The following EPHA6 variants were observed in gnomAD, a reference collection of about 807,000 sequenced individuals.
The protein encoded by EPHA6 is ephrin type-A receptor 6.
Under a neutral mutation model 112.0 loss-of-function variants are expected in EPHA6, and 50 were observed. The observed-to-expected ratio is 0.45, with a 90% CI of 0.36 to 0.56. The LOEUF (loss-of-function observed/expected upper bound fraction) is 0.56, where lower values mean the gene tolerates loss of function less well. EPHA6 is among the 20% of genes least tolerant of loss of function. EPHA6 has a pLI of 0.00. For missense variants in EPHA6, 1,280 were observed against 1,417.4 expected (o/e 0.90, Z 1.56); for synonymous variants, 529 against 490.7 (o/e 1.08, Z -1.03).
chr3:97,637,483 G>T (rs2093958168), intron 13 of EPHA6, among the ~76,000 whole-genome samples: 1 of 152,014 alleles, frequency 6.6e-6, no homozygotes, highest in Admixed American at 6.6e-5. Context: ...CTTCTACCCA[G>T]CTGTACAGCT....
intron 5 of EPHA6, among the ~76,000 whole-genome samples, chr3:97,309,982 G>A (rs978790195): frequency 9.2e-5 from 14 of 151,584 alleles, no homozygotes; most frequent in Non-Finnish European, 2.1e-4. Flanking sequence ...CAATAATATT[G>A]TGAAGTTTCA....
At chr3:97,222,464 A>G (rs2078236271) in intron 3 of EPHA6, among the ~76,000 whole-genome samples, 1 of 152,184 alleles carries the variant, frequency 6.6e-6, no homozygotes, top group Admixed American at 6.5e-5. Context: ...TCCAATTTAT[A>G]TATGTATTTT....
chr3:97,737,845 T>A (rs2035337742), intron 16 of EPHA6, among the ~76,000 whole-genome samples: 1 of 151,802 alleles, frequency 6.6e-6, no homozygotes, highest in South Asian at 2.1e-4. Context: ...AACCCTCTAA[T>A]TTAAGACATG....
chr3:97,599,306 A>C (rs920705750), intron 12 of EPHA6, among the ~76,000 whole-genome samples: 2 of 150,490 alleles, frequency 1.3e-5, no homozygotes, highest in African/African-American at 2.5e-5. Flanking sequence ...TTTTGTTGCC[A>C]TTGCTTTTGG....
chr3:97,563,024 C>T (rs1577789043), intron 11 of EPHA6, among the ~76,000 whole-genome samples: 1 of 152,066 alleles, frequency 6.6e-6, no homozygotes, highest in Non-Finnish European at 1.5e-5. Flanking sequence ...ATATTGCAAG[C>T]ATAACTTTTA....
chr3:97,313,082 C>G (rs529323558), intron 5 of EPHA6, among the ~76,000 whole-genome samples: 1 of 151,622 alleles, frequency 6.6e-6, no homozygotes, highest in Non-Finnish European at 1.5e-5. Context: ...CCTGTCTCCC[C>G]TCAGCTACTG....
chr3:97,059,690 G>C (rs2045958483), intron 3 of EPHA6, among the ~76,000 whole-genome samples: 1 of 148,500 alleles, frequency 6.7e-6, no homozygotes, highest in African/African-American at 2.5e-5. Context: ...TAGCACCAGA[G>C]TCATCCTAGA....
intron 14 of EPHA6, among the ~76,000 whole-genome samples, chr3:97,686,104 C>T (rs1007175985): frequency 6.6e-6 from 1 of 152,110 alleles, no homozygotes; most frequent in Non-Finnish European, 1.5e-5. Context: ...ATTCATCAAA[C>T]ATTTCTAAAG....
intron 2 of EPHA6, among the ~76,000 whole-genome samples, chr3:96,882,181 C>T (rs896501776): frequency 1.3e-5 from 2 of 152,132 alleles, no homozygotes; most frequent in African/African-American, 4.8e-5. Context: ...CCACATTTCC[C>T]TTCCGCACTT....
At chr3:97,449,919 T>C (rs1408557079) in intron 7 of EPHA6, among the ~76,000 whole-genome samples, 2 of 152,132 alleles carry the variant, frequency 1.3e-5, no homozygotes, top group African/African-American at 4.8e-5. Context: ...TGTTTTTACA[T>C]TGATGAACAG....
chr3:97,750,357 G>A lies in EPHA6; in HGVS notation c.*1656G>A, dbSNP rs778637696. Among the ~76,000 whole-genome samples the A allele has an allele frequency of 1.6e-4, 24 of 150,154 alleles. No homozygotes were observed. In the South Asian group the frequency reaches 3.6e-3, roughly 22 times the overall value. ...TTTTTTGTTTTTGTTTTTGTTGTTC[G>A]TTTGTTTGTTTTTGAGACGGAGGCG... On this transcript the variant is annotated 3_prime_UTR_variant, in exon 18 of 18. Coordinates refer to ENST00000389672, the MANE Select transcript of EPHA6 (RefSeq NM_001080448.3).
intron 5 of EPHA6, among the ~76,000 whole-genome samples, chr3:97,301,188 G>T (rs1186885835): frequency 6.6e-6 from 1 of 152,126 alleles, no homozygotes; most frequent in Admixed American, 6.6e-5. Context: ...GAGAGAATGA[G>T]AAATGCTAGG....
At chr3:97,425,310 A>C (rs1309836297) in intron 6 of EPHA6, among the ~76,000 whole-genome samples, 2 of 152,232 alleles carry the variant, frequency 1.3e-5, no homozygotes, top group African/African-American at 4.8e-5. Context: ...TCCCTGCAGC[A>C]CAGCTCTGCC....
rs553318882 is a variant in EPHA6, at chr3:97,090,934, T to C, written c.1114+102941T>C. Among the ~76,000 whole-genome samples, 7 of 152,220 alleles carry C rather than the reference T, an allele frequency of 4.6e-5. No individual in the cohort carries two copies. The South Asian group carries it at 1.5e-3, about 32-fold the overall frequency. Reference sequence around the variant, plus strand: ...ATTTACGAATATATGTTGCAGTGAATAAAAGAGTTAGATGTTTTAACACCT... The same window carrying C: ...ATTTACGAATATATGTTGCAGTGAACAAAAGAGTTAGATGTTTTAACACCT... On this transcript the variant is annotated intron_variant, in intron 3 of 17. Coordinates refer to ENST00000389672, the MANE Select transcript of EPHA6 (RefSeq NM_001080448.3).
At chr3:97,476,657 G>C (rs2091377632) in intron 8 of EPHA6, among the ~76,000 whole-genome samples, 1 of 152,052 alleles carries the variant, frequency 6.6e-6, no homozygotes, top group African/African-American at 2.4e-5. Context: ...TGTATCAAAT[G>C]TGGGTCCCTG....
At chr3:96,948,533 A>C (rs987284866) in intron 2 of EPHA6, among the ~76,000 whole-genome samples, 3 of 152,198 alleles carry the variant, frequency 2.0e-5, no homozygotes, top group African/African-American at 7.2e-5. Flanking sequence ...ATGGAAAAAA[A>C]ATGCTAAGTA....
chr3:97,092,145 G>A (rs576785218), intron 3 of EPHA6, among the ~76,000 whole-genome samples: 84 of 149,256 alleles, frequency 5.6e-4, no homozygotes, highest in Non-Finnish European at 9.8e-4. Flanking sequence ...ATGTAACAAC[G>A]TAAACAAAAG....
intron 3 of EPHA6, among the ~76,000 whole-genome samples, chr3:97,104,235 A>T (rs1459362087): frequency 6.6e-6 from 1 of 152,022 alleles, no homozygotes; most frequent in Admixed American, 6.6e-5. Context: ...CTTTTCAAAT[A>T]TAATGCTTCC....
intron 1 of EPHA6, among the ~76,000 whole-genome samples, chr3:96,843,486 G>T (rs1019255058): frequency 1.3e-5 from 2 of 151,970 alleles, no homozygotes; most frequent in African/African-American, 4.8e-5. Flanking sequence ...GTGATATTTA[G>T]CTTAGGTTAG....
Sources: gnomAD v4.1 joint callset for allele counts (sites outside exome capture counted in the v4.1 genomes callset) on GRCh38, gnomAD v4.1.1 for gene constraint, MANE v1.5 for transcripts, NCBI Gene and HGNC (gene_info 2026-07-23, HGNC 2026-07-21) for gene names.